The following CFH variants were observed in gnomAD, a reference collection of about 807,000 sequenced individuals.
CFH encodes H factor 1 (complement).
In CFH, 53 loss-of-function variants were observed where a neutral mutation model predicts 147.3. The ratio of observed to expected loss-of-function variants is 0.36; its 90% confidence interval spans 0.29 to 0.45. The LOEUF is 0.45. CFH is among the 20% of genes least tolerant of loss of function. The pLI is 1.00. For synonymous variants in CFH, 536 were observed against 489.4 expected (o/e 1.10, Z -1.26); for missense variants, 1,380 against 1,498.0 (o/e 0.92, Z 1.30).
chr1:196,657,008 G>A (rs561361190), intron 1 of CFH, among the ~76,000 whole-genome samples: 38 of 152,008 alleles, frequency 2.5e-4, no homozygotes, highest in African/African-American at 8.7e-4. Flanking sequence ...ACAGGATCTC[G>A]CTTTGTTGCC....
intron 1 of CFH, among the ~76,000 whole-genome samples, chr1:196,656,561 C>T (rs1666697938): frequency 6.6e-6 from 1 of 152,070 alleles, no homozygotes; most frequent in South Asian, 2.1e-4. Context: ...CCATAATCTA[C>T]AGATATAATG....
intron 1 of CFH, among the ~76,000 whole-genome samples, chr1:196,661,503 T>C (rs1216127063): frequency 6.6e-6 from 1 of 152,236 alleles, no homozygotes; most frequent in African/African-American, 2.4e-5. Flanking sequence ...GTCTGCTCTC[T>C]GGTTCATAGA....
chr1:196,692,391 T>A (rs1008152377), intron 9 of CFH: 1 of 838,082 alleles, frequency 1.2e-6, no homozygotes, highest in Non-Finnish European at 1.4e-6. Context: ...TTGAGGCTAA[T>A]AATATGCCTT....
intron 7 of CFH, among the ~76,000 whole-genome samples, chr1:196,688,454 G>T (rs1448604982): frequency 1.3e-5 from 2 of 151,948 alleles, no homozygotes; most frequent in Non-Finnish European, 2.9e-5. Flanking sequence ...CTGTTTCTCT[G>T]GTTAAATACA....
chr1:196,673,712 T>C (rs530960234), intron 2 of CFH, 145 bp from the exon 3 acceptor site: 17 of 659,556 alleles, frequency 2.6e-5, no homozygotes, highest in Middle Eastern at 3.3e-4. Flanking sequence ...AGTTCAATTA[T>C]GAAATAATGG....
At chr1:196,729,482 A>G (rs1392160815) in intron 15 of CFH, among the ~76,000 whole-genome samples, 1 of 151,712 alleles carries the variant, frequency 6.6e-6, no homozygotes, top group Non-Finnish European at 1.5e-5. Context: ...GTGCTGTAGG[A>G]TTTGTTTTCC....
intron 1 of CFH, among the ~76,000 whole-genome samples, chr1:196,657,710 A>C (rs1051193960): frequency 6.6e-6 from 1 of 152,178 alleles, no homozygotes; most frequent in Non-Finnish European, 1.5e-5. Flanking sequence ...ATTTTTTTCC[A>C]AATTGATTTT....
intron 11 of CFH, among the ~76,000 whole-genome samples, chr1:196,722,579 C>T (rs1377801670): frequency 2.6e-5 from 4 of 152,028 alleles, no homozygotes; most frequent in African/African-American, 9.7e-5. Flanking sequence ...AAGTTCATCT[C>T]GCAATGCATC....
At chr1:196,661,965 C>G (rs1351025619) in intron 1 of CFH, among the ~76,000 whole-genome samples, 1 of 152,162 alleles carries the variant, frequency 6.6e-6, no homozygotes, top group Admixed American at 6.5e-5. Flanking sequence ...CTGAAATCCA[C>G]AGGGCAGGTA....
At chr1:196,661,886 GTTTGTTTTGT>G (rs61521436) in intron 1 of CFH, among the ~76,000 whole-genome samples, 29 of 152,036 alleles carry the variant, frequency 1.9e-4, no homozygotes, top group East Asian at 5.8e-4. Context: ...GTTTTGTTTT[GTTTGTTTTGT>G]TTTGTTTTGT....
At chr1:196,729,082 G>T (rs1009933885) in intron 15 of CFH, among the ~76,000 whole-genome samples, 1 of 151,852 alleles carries the variant, frequency 6.6e-6, no homozygotes, top group Non-Finnish European at 1.5e-5. Context: ...TTTTATTCCA[G>T]TCTTCTCATA....
intron 9 of CFH, among the ~76,000 whole-genome samples, chr1:196,710,921 T>C (rs1196415860): frequency 3.9e-5 from 6 of 152,098 alleles, no homozygotes; most frequent in Non-Finnish European, 8.8e-5. Flanking sequence ...GAGAGAGCCA[T>C]GATAGTTTGT....
chr1:196,673,881 ATACTCCTTTTGG>A lies in CFH; in HGVS notation c.274_285del (p.Pro92_Thr95del), dbSNP rs1158693683. 6.2e-7 allele frequency: 1 copy of A among 1,613,116 alleles called. No individual in the cohort carries two copies. The highest frequency in any genetic ancestry group is 8.5e-7 in the Non-Finnish European group (1 of 1,179,544). On this transcript the variant is annotated inframe_deletion, in exon 3 of 22. Coordinates refer to ENST00000367429, the MANE Select transcript of CFH (RefSeq NM_000186.4). ...GAAAGGCCCTGTGGACATCCTGGAG[ATACTCCTTTTGG>A]TACTTTTACCCTTACAGGAGGAAAT...
intron 17 of CFH, among the ~76,000 whole-genome samples, chr1:196,740,171 A>T (rs895731071): frequency 6.6e-6 from 1 of 152,308 alleles, no homozygotes; most frequent in Non-Finnish European, 1.5e-5. Flanking sequence ...GCAATTCACG[A>T]TGAGATTTGG....
At chr1:196,663,842 A>T (rs1264088100) in intron 1 of CFH, among the ~76,000 whole-genome samples, 1 of 152,122 alleles carries the variant, frequency 6.6e-6, no homozygotes, top group Non-Finnish European at 1.5e-5. Flanking sequence ...TTAGGTTTCC[A>T]ACTTTGAATT....
At chr1:196,730,892 C>A (rs749729474) in intron 15 of CFH, among the ~76,000 whole-genome samples, 35 of 151,754 alleles carry the variant, frequency 2.3e-4, no homozygotes, top group Admixed American at 7.2e-4. Flanking sequence ...ATGAGTATAA[C>A]TACCCCTGTT....
At chr1:196,673,751 C>T in intron 2 of CFH, 106 bp from the exon 3 acceptor site, 2 of 777,024 alleles carry the variant, frequency 2.6e-6, no homozygotes, top group East Asian at 2.5e-5. Flanking sequence ...TCCTTACATT[C>T]AATCTGTCTT....
At chr1:196,675,159 T>C (rs977692590) in intron 3 of CFH, among the ~76,000 whole-genome samples, 4 of 152,166 alleles carry the variant, frequency 2.6e-5, no homozygotes, top group Non-Finnish European at 5.9e-5. Context: ...GCACTTGACT[T>C]GGCTAAGGAG....
At chr1:196,652,348 G>A (rs1195754503) in intron 1 of CFH, among the ~76,000 whole-genome samples, 173 bp downstream of exon 1, 1 of 151,856 alleles carries the variant, frequency 6.6e-6, no homozygotes, top group Non-Finnish European at 1.5e-5. Flanking sequence ...AACCTTATTT[G>A]AATGGTATAT....
Sources: gnomAD v4.1 joint callset for allele counts (sites outside exome capture counted in the v4.1 genomes callset) on GRCh38, gnomAD v4.1.1 for gene constraint, MANE v1.5 for transcripts, NCBI Gene and HGNC (gene_info 2026-07-23, HGNC 2026-07-21) for gene names.